Variants in SLFN12L observed in about 807,000 individuals in gnomAD.
SLFN12L encodes schlafen family member 12 like.
SLFN12L carries 34 observed loss-of-function variants against 34.8 expected under a neutral mutation model. The observed-to-expected ratio is 0.98, with a 90% CI of 0.74 to 1.30. SLFN12L has a LOEUF of 1.30. SLFN12L is among the 50% of genes most tolerant of loss of function. The pLI is 0.00. For missense variants in SLFN12L, 703 were observed against 696.2 expected, an observed-to-expected ratio of 1.01 and a Z score of -0.11; for synonymous variants, 259 against 247.5, an observed-to-expected ratio of 1.05 and a Z score of -0.44.
At chr17:35,475,552 G>T in intron 4 of SLFN12L, 67 bp from the exon 5 acceptor site, 1 of 1,470,812 alleles carries the variant, frequency 6.8e-7, no homozygotes, top group Non-Finnish European at 9.0e-7. Context: ...TGGATACAAA[G>T]CAGCTTGTAT....
chr17:35,502,433 A>AC (rs1915330188), intron 2 of SLFN12L, among the ~76,000 whole-genome samples: 2 of 149,190 alleles, frequency 1.3e-5, no homozygotes, highest in East Asian at 1.9e-4. Flanking sequence ...AAAAAAAAAA[A>AC]AAAAAAAAAA....
At chr17:35,528,119 A>C (rs558007463) in intron 1 of SLFN12L, among the ~76,000 whole-genome samples, 1 of 152,326 alleles carries the variant, frequency 6.6e-6, no homozygotes, top group East Asian at 1.9e-4. Flanking sequence ...AAGAGAATAA[A>C]ATACCTAGGA....
At chr17:35,502,902 C>T (rs1203137927) in intron 2 of SLFN12L, among the ~76,000 whole-genome samples, 2 of 151,616 alleles carry the variant, frequency 1.3e-5, no homozygotes, top group South Asian at 2.1e-4. Flanking sequence ...ATAAATTAAC[C>T]GGTTGTTTAA....
chr17:35,481,855 T>TTTTTG (rs1914352713), intron 2 of SLFN12L, among the ~76,000 whole-genome samples: 2 of 151,886 alleles, frequency 1.3e-5, no homozygotes, highest in African/African-American at 4.9e-5. Flanking sequence ...TGTTGTTTGT[T>TTTTTG]TTTTGTTTTT....
At position 35,464,903 on chromosome 17, in the gene SLFN12L, G is replaced by A. The variant is rs1041828551; in HGVS notation, c.*10020C>T. On this transcript the variant is annotated 3_prime_UTR_variant, in exon 5 of 5. Coordinates refer to ENST00000628453, the MANE Select transcript of SLFN12L (RefSeq NM_001363830.2). ...TTTGCTTTTTTTAGAGAGAGATAAAGTCTTGCTCTGTCACCCAGGCTGGAG... is the reference window on the plus strand; with the variant it reads ...TTTGCTTTTTTTAGAGAGAGATAAAATCTTGCTCTGTCACCCAGGCTGGAG... 6.6e-6 allele frequency among the ~76,000 whole-genome samples: 1 copy of A among 152,110 alleles called. No homozygotes were observed. The highest frequency in any genetic ancestry group is 2.4e-5 in the African/African-American group (1 of 41,406).
chr17:35,506,479 C>T (rs1370520356), intron 2 of SLFN12L, among the ~76,000 whole-genome samples: 1 of 152,138 alleles, frequency 6.6e-6, no homozygotes, highest in Admixed American at 6.5e-5. Flanking sequence ...AACCAATCCC[C>T]TTGATCCTTG....
In SLFN12L at chr17:35,479,298, T is replaced by A. The variant is rs1293144594; in HGVS notation, c.984A>T (p.Leu328Phe). 6.3e-6 allele frequency: 10 copies of A among 1,588,518 alleles called. No homozygotes were observed. The highest frequency in any genetic ancestry group is 8.6e-6 in the Non-Finnish European group (10 of 1,165,834). The change falls in exon 3 of 5, where the codon TTA becomes TTT. Residue 328 changes from leucine to phenylalanine, a missense_variant. Coordinates refer to ENST00000628453, the MANE Select transcript of SLFN12L (RefSeq NM_001363830.2). ...FCVEKGTINY[L>F]CKFLGVYDKG... ...TATCATATACTCCAAGGAATTTGCA[T>A]AAGTAATTTATCGTCCCCTTCTCCA... is the stretch of plus-strand genomic sequence containing the variant.
At chr17:35,525,239 T>C (rs537827419) in intron 1 of SLFN12L, among the ~76,000 whole-genome samples, 5 of 152,294 alleles carry the variant, frequency 3.3e-5, no homozygotes, top group Non-Finnish European at 7.3e-5. Context: ...TTGATTGGTG[T>C]ACATGAAAGT....
chr17:35,506,745 T>C (rs1915475161), intron 2 of SLFN12L, among the ~76,000 whole-genome samples: 1 of 152,120 alleles, frequency 6.6e-6, no homozygotes, highest in South Asian at 2.1e-4. Context: ...TAATGGGAGA[T>C]CAATGGCCAT....
intron 2 of SLFN12L, among the ~76,000 whole-genome samples, chr17:35,482,308 G>T (rs997216215): frequency 6.6e-6 from 1 of 152,240 alleles, no homozygotes; most frequent in Admixed American, 6.5e-5. Flanking sequence ...CCTCATGAAT[G>T]AGATTAGTGC....
At chr17:35,518,287 C>A (rs558543944) in intron 2 of SLFN12L, among the ~76,000 whole-genome samples, 1 of 152,302 alleles carries the variant, frequency 6.6e-6, no homozygotes, top group East Asian at 1.9e-4. Context: ...TGTGGTGGCC[C>A]ACGCCTGTAA....
At chr17:35,536,796 G>C (rs140330939) in intron 1 of SLFN12L, among the ~76,000 whole-genome samples, 23 of 150,764 alleles carry the variant, frequency 1.5e-4, no homozygotes, top group Non-Finnish European at 3.0e-4. Flanking sequence ...GTGACAGAGT[G>C]AGAGCCTGTC....
intron 2 of SLFN12L, chr17:35,487,850 G>C: frequency 6.7e-6 from 8 of 1,202,652 alleles, no homozygotes; most frequent in Non-Finnish European, 9.5e-6. Flanking sequence ...TCGGGCACTC[G>C]ACTCCCCGGA....
chr17:35,495,980 G>A (rs1418306237), intron 2 of SLFN12L, among the ~76,000 whole-genome samples: 3 of 151,278 alleles, frequency 2.0e-5, no homozygotes, highest in African/African-American at 4.9e-5. Flanking sequence ...TGTCTACAGC[G>A]CCTTCGGGGG....
chr17:35,523,076 T>A lies in SLFN12L; in HGVS notation c.-605-107A>T, dbSNP rs75352234. 3.4e-3 allele frequency: 918 copies of A among 266,996 alleles called. 9 individuals carry two copies. Among genetic ancestry groups the A allele is most frequent in the African/African-American group, 0.019 (858 of 45,308 alleles). 16.5% of individuals were successfully genotyped at this position (266,996 alleles called of 1,614,324 possible). The stretch of plus-strand genomic sequence containing the variant: ...TATATTTGATTATTAATTACAGATA[T>A]TTCAAATATTCTTCTATAAACATTA... On this transcript the variant is annotated intron_variant, in intron 1 of 4. Transcript: ENST00000628453.
rs62078158 is a variant in SLFN12L, at chr17:35,508,811, T to C, written c.86+13468A>G. Reference sequence around the variant, plus strand: ...GCATTTTCTTTCAGTTTTCTGTAAATACAAAAAATAATATTTATACTGACC... The same window carrying C: ...GCATTTTCTTTCAGTTTTCTGTAAACACAAAAAATAATATTTATACTGACC... On this transcript the variant is annotated intron_variant, in intron 2 of 4. Transcript: ENST00000628453. Among the ~76,000 whole-genome samples, 1,052 of 152,268 alleles carry C rather than the reference T, an allele frequency of 6.9e-3. 8 individuals are homozygous for C. Among genetic ancestry groups the C allele is most frequent in the Middle Eastern group, 0.031 (9 of 294 alleles).
intron 1 of SLFN12L, among the ~76,000 whole-genome samples, chr17:35,537,328 C>T (rs2072472004): frequency 6.6e-6 from 1 of 152,174 alleles, no homozygotes; most frequent in Non-Finnish European, 1.5e-5. Context: ...GTCCTACATC[C>T]CTGGCCTCAG....
rs1383011955 is a variant in SLFN12L at position 35,466,403 on chromosome 17, A to G, written c.*8520T>C. Among the ~76,000 whole-genome samples the G allele has an allele frequency of 6.6e-6, 1 of 152,214 alleles. No homozygotes were observed. The highest frequency in any genetic ancestry group is 1.5e-5 in the Non-Finnish European group (1 of 68,034). ...GAATGTCATATAGTTGGAATCATACAGTATATAGCCTTTTCAGATGGCCTT... is the reference window on the plus strand; with the variant it reads ...GAATGTCATATAGTTGGAATCATACGGTATATAGCCTTTTCAGATGGCCTT... On this transcript the variant is annotated 3_prime_UTR_variant, in exon 5 of 5. Coordinates refer to ENST00000628453, the MANE Select transcript of SLFN12L (RefSeq NM_001363830.2).
intron 1 of SLFN12L, among the ~76,000 whole-genome samples, chr17:35,528,437 T>G (rs1048097868): frequency 5.3e-5 from 8 of 152,248 alleles, no homozygotes; most frequent in African/African-American, 1.7e-4. Flanking sequence ...CTACCCTACT[T>G]CAAACTATAT....
Sources: gnomAD v4.1 joint callset for allele counts (sites outside exome capture counted in the v4.1 genomes callset) on GRCh38, gnomAD v4.1.1 for gene constraint, MANE v1.5 for transcripts, NCBI Gene and HGNC (gene_info 2026-07-23, HGNC 2026-07-21) for gene names.